The following KLF8 variants were observed in gnomAD, a reference collection of about 807,000 sequenced individuals.
The protein encoded by KLF8 is KLF transcription factor 8.
Under a neutral mutation model 18.2 loss-of-function variants are expected in KLF8, and 10 were observed. The ratio of observed to expected loss-of-function variants is 0.55; its 90% confidence interval spans 0.34 to 0.93. The LOEUF (loss-of-function observed/expected upper bound fraction) is 0.93, where lower values mean the gene tolerates loss of function less well. KLF8 is among the 40% of genes least tolerant of loss of function. The pLI is 0.02. For missense variants in KLF8, 264 were observed against 277.9 expected (o/e 0.95, Z 0.36); for synonymous variants, 109 against 97.3 (o/e 1.12, Z -0.71).
chrX:56,221,691 T>C, the KLF8 span, among the ~76,000 whole-genome samples: 2 of 111,512 alleles, frequency 1.8e-5, no homozygotes, highest in Non-Finnish European at 3.8e-5. Flanking sequence ...CCCCGGTGGG[T>C]TCGTGGTCTC....
chrX:55,913,319 ATGTTG>A, the KLF8 span, among the ~76,000 whole-genome samples: 1 of 111,506 alleles, frequency 9.0e-6, no homozygotes, highest in Admixed American at 9.6e-5. Context: ...TCCCCAATAT[ATGTTG>A]GAGTCTTAAT....
At chrX:56,040,149 T>C in the KLF8 span, among the ~76,000 whole-genome samples, 4 of 111,339 alleles carry the variant, frequency 3.6e-5, no homozygotes, top group African/African-American at 9.8e-5. Flanking sequence ...GGCTTCAAGA[T>C]ACAGGATCAT....
the KLF8 span, among the ~76,000 whole-genome samples, chrX:56,211,676 A>G: frequency 8.9e-6 from 1 of 112,116 alleles, no homozygotes; most frequent in Non-Finnish European, 1.9e-5. Context: ...CAGGGGCTAG[A>G]GTAAAAAACC....
At chrX:55,947,744 G>C in the KLF8 span, among the ~76,000 whole-genome samples, 1 of 111,642 alleles carries the variant, frequency 9.0e-6, no homozygotes, top group Non-Finnish European at 1.9e-5. Flanking sequence ...ATGACTTTCT[G>C]TTGAGCTCTA....
the KLF8 span, among the ~76,000 whole-genome samples, chrX:56,220,141 A>G: frequency 8.9e-6 from 1 of 112,519 alleles, no homozygotes; most frequent in African/African-American, 3.2e-5. Context: ...CTTCCTGTGG[A>G]TCACTTGTCG....
At chrX:55,984,663 A>G in the KLF8 span, among the ~76,000 whole-genome samples, 1 of 111,278 alleles carries the variant, frequency 9.0e-6, no homozygotes, top group Non-Finnish European at 1.9e-5. Context: ...CAGGGTCAAA[A>G]TGGTATTTCT....
At chrX:56,148,798 G>T in the KLF8 span, among the ~76,000 whole-genome samples, 2 of 111,484 alleles carry the variant, frequency 1.8e-5, no homozygotes, top group African/African-American at 6.5e-5. Context: ...GAACAGTATG[G>T]GGAAAACTGC....
Position 56,265,426 on chromosome X carries a change from C to G in KLF8, c.328C>G (p.Pro110Ala). Residue 110 changes from proline (P) to alanine (A), a missense_variant, in exon 3 of 6, where the codon CCC becomes GCC. Transcript: ENST00000468660. Reference protein sequence around the residue: ...PASMLQAPIRPPKPQSSPQTL... With the variant: ...PASMLQAPIRAPKPQSSPQTL... Reference sequence around the variant, plus strand: ...TAGCATGCTACAAGCTCCAATACGTCCCCCCAAGCCACAGTCTTCTCCCCA... The same window carrying G: ...TAGCATGCTACAAGCTCCAATACGTGCCCCCAAGCCACAGTCTTCTCCCCA... 3 of 1,211,107 alleles carry G rather than the reference C, an allele frequency of 2.5e-6. No individual in the cohort carries two copies. Among genetic ancestry groups the G allele is most frequent in the Non-Finnish European group, 3.4e-6 (3 of 894,928 alleles).
chrX:56,189,171 A>G, the KLF8 span, among the ~76,000 whole-genome samples: 2 of 111,915 alleles, frequency 1.8e-5, no homozygotes, highest in African/African-American at 6.5e-5. Context: ...ATAAATTTAC[A>G]AGAAAAAAAG....
At chrX:56,183,871 A>G in the KLF8 span, among the ~76,000 whole-genome samples, 3 of 111,646 alleles carry the variant, frequency 2.7e-5, no homozygotes, top group Non-Finnish European at 5.7e-5. Flanking sequence ...TGGATAAAAA[A>G]TCAGGACCCG....
Position 56,265,662 on chromosome X carries a change from G to A in KLF8, c.564G>A (p.Val188=), listed in dbSNP as rs1192885755. 1 of 1,210,286 alleles carries A rather than the reference G, an allele frequency of 8.3e-7. No homozygotes were observed. Among genetic ancestry groups the A allele is most frequent in the African/African-American group, 1.7e-5 (1 of 57,821 alleles). ...TGGTAGTGCAGTCTCTGCCCATGGT[G>A]TATACTACTTTGCCTGCAGATGGGG... The part of the protein sequence containing the change: ...IPVVVQSLPM[V]YTTLPADGGP... Residue 188 remains valine (V), a synonymous_variant, in exon 3 of 6, where the codon GTG becomes GTA. Transcript: ENST00000468660.
chrX:56,017,931 T>C, the KLF8 span, among the ~76,000 whole-genome samples: 10 of 111,751 alleles, frequency 8.9e-5, no homozygotes, highest in Non-Finnish European at 1.7e-4. Flanking sequence ...ATAGTAGTTG[T>C]ACATATCTAT....
the KLF8 span, among the ~76,000 whole-genome samples, chrX:55,937,704 G>A: frequency 1.8e-5 from 2 of 112,360 alleles, no homozygotes; most frequent in African/African-American, 6.5e-5. Flanking sequence ...TGAAAACCAT[G>A]GCATGAGAAC....
the KLF8 span, among the ~76,000 whole-genome samples, chrX:56,096,097 G>A: frequency 2.7e-5 from 3 of 111,214 alleles, no homozygotes; most frequent in Non-Finnish European, 5.7e-5. Context: ...TATATATCAC[G>A]GAATACTACA....
At chrX:56,199,154 A>T in the KLF8 span, among the ~76,000 whole-genome samples, 1 of 112,218 alleles carries the variant, frequency 8.9e-6, no homozygotes, top group Non-Finnish European at 1.9e-5. Flanking sequence ...AAACCTAGGC[A>T]ATACCATTCA....
chrX:56,273,660 G>A, intron 5 of KLF8, among the ~76,000 whole-genome samples: 1 of 111,643 alleles, frequency 9.0e-6, no homozygotes, highest in African/African-American at 3.3e-5. Context: ...CAAATGATAG[G>A]ATCTCATTCT....
At chrX:56,194,087 G>T in the KLF8 span, among the ~76,000 whole-genome samples, 4 of 110,806 alleles carry the variant, frequency 3.6e-5, no homozygotes, top group Non-Finnish European at 7.6e-5. Context: ...AACTCGGGGT[G>T]GGGAGGTGTT....
the KLF8 span, among the ~76,000 whole-genome samples, chrX:56,002,208 C>A: frequency 8.9e-6 from 1 of 112,075 alleles, no homozygotes; most frequent in Non-Finnish European, 1.9e-5. Flanking sequence ...CGTATCAAAG[C>A]CTTTGCACTT....
the KLF8 span, among the ~76,000 whole-genome samples, chrX:55,996,001 A>T: frequency 9.0e-6 from 1 of 110,928 alleles, no homozygotes; most frequent in African/African-American, 3.3e-5. Context: ...GACACCAATG[A>T]GTCATAAGTT....
Sources: allele counts gnomAD v4.1 joint callset (sites outside exome capture counted in the v4.1 genomes callset), GRCh38; gene constraint gnomAD v4.1.1; transcripts MANE v1.5; gene names NCBI Gene and HGNC (gene_info 2026-07-23, HGNC 2026-07-21).